Variants in PKHD1 observed in about 807,000 individuals in gnomAD.
PKHD1 encodes fibrocystin.
PKHD1 carries 291 observed loss-of-function variants against 412.0 expected under a neutral mutation model. The ratio of observed to expected loss-of-function variants is 0.71; its 90% CI spans 0.64 to 0.78. PKHD1 has a LOEUF of 0.78. Among genes scored for constraint, PKHD1 ranks in the 30% least tolerant of loss-of-function variants. The pLI is 0.00. For missense variants in PKHD1, 4,825 were observed against 4,950.7 expected (o/e 0.97, Z 0.76); for synonymous variants, 1,777 against 1,821.5 (o/e 0.98, Z 0.62).
At chr6:51,823,708 T>A (rs954928256) in intron 52 of PKHD1, among the ~76,000 whole-genome samples, 22 of 152,362 alleles carry the variant, frequency 1.4e-4, no homozygotes, top group Admixed American at 1.4e-3. Context: ...GCTATTTTAA[T>A]CGAAATTTCA....
At chr6:52,060,466 A>G (rs1808509140) in intron 14 of PKHD1, among the ~76,000 whole-genome samples, 1 of 152,238 alleles carries the variant, frequency 6.6e-6, no homozygotes, top group Non-Finnish European at 1.5e-5. Context: ...ACACCTGCAG[A>G]GAGCATTTTT....
intron 5 of PKHD1, among the ~76,000 whole-genome samples, chr6:52,078,044 C>T (rs1811562102): frequency 6.6e-6 from 1 of 152,160 alleles, no homozygotes; most frequent in Non-Finnish European, 1.5e-5. Context: ...AAGCATACCT[C>T]TCTATTTCAA....
At chr6:51,950,220 A>AAAAAAAAAAATATATATATATAT in intron 36 of PKHD1, among the ~76,000 whole-genome samples, 4 of 98,304 alleles carry the variant, frequency 4.1e-5, no homozygotes, top group African/African-American at 7.6e-5. Flanking sequence ...GAAAAAAAAA[A>AAAAAAAAAAATATATATATATAT]ATATATATAT....
At chr6:51,909,923 G>A (rs1224896072) in intron 39 of PKHD1, among the ~76,000 whole-genome samples, 2 of 152,124 alleles carry the variant, frequency 1.3e-5, no homozygotes, top group Non-Finnish European at 2.9e-5. Flanking sequence ...TTACTGTGCT[G>A]TTTTATGGTT....
At chr6:51,982,518 C>G (rs1283309973) in intron 35 of PKHD1, among the ~76,000 whole-genome samples, 6 of 137,692 alleles carry the variant, frequency 4.4e-5, no homozygotes, top group African/African-American at 1.6e-4. Flanking sequence ...ATCCCCAACC[C>G]TGTGCTCTCT....
At chr6:51,959,795 G>T in intron 36 of PKHD1, 75 bp downstream of exon 36, 1 of 1,327,778 alleles carries the variant, frequency 7.5e-7, no homozygotes, top group Non-Finnish European at 1.1e-6. Context: ...TATCCAGAAA[G>T]TTTCCCTCCT....
chr6:51,625,221 G>GGA (rs1037294885), intron 66 of PKHD1, among the ~76,000 whole-genome samples: 2 of 152,000 alleles, frequency 1.3e-5, no homozygotes, highest in Non-Finnish European at 2.9e-5. Context: ...GCAAAGTGCT[G>GGA]GAGAGAGAGA....
chr6:51,833,282 G>C (rs552619808), intron 51 of PKHD1, among the ~76,000 whole-genome samples: 1 of 152,258 alleles, frequency 6.6e-6, no homozygotes, highest in South Asian at 2.1e-4. Context: ...TTGCTTATAA[G>C]AGGGCTGACA....
At chr6:51,825,253 C>T (rs987060332) in intron 52 of PKHD1, among the ~76,000 whole-genome samples, 3 of 152,156 alleles carry the variant, frequency 2.0e-5, no homozygotes, top group Admixed American at 6.6e-5. Context: ...GAGGTGGAAC[C>T]TAATTCTTCT....
intron 43 of PKHD1, among the ~76,000 whole-genome samples, chr6:51,900,906 C>A (rs1455617983): frequency 6.6e-6 from 1 of 152,178 alleles, no homozygotes; most frequent in African/African-American, 2.4e-5. Flanking sequence ...AGCCAAAAAA[C>A]ACATAAAAAA....
Position 52,025,366 on chromosome 6 carries a change from C to T in PKHD1, c.4444G>A (p.Glu1482Lys). The change falls in exon 32 of 67, where the codon GAA (glutamate) becomes AAA (lysine). Residue 1482 changes from glutamate (E) to lysine (K), a missense_variant. Physicochemically the swap from Glu to Lys is moderately conservative, Grantham distance 56. Transcript: ENST00000371117. Reference sequence around the variant, plus strand: ...GCATCCATGACAGGACTTGCCTCTTCCCTTATGAAAAGAGTGCAATTCCCC... The same window carrying T: ...GCATCCATGACAGGACTTGCCTCTTTCCTTATGAAAAGAGTGCAATTCCCC... ...CQGNCTLFIR[E>K]EASPVMDALS... is the part of the protein sequence containing the mutation. The T allele has an allele frequency of 1.2e-6, 2 of 1,613,520 alleles. No individual in the cohort carries two copies.
In PKHD1 at chr6:51,870,606, G is replaced by A. The variant is rs772064711; in HGVS notation, c.7384C>T (p.Pro2462Ser). 2 of 1,609,716 alleles carry A rather than the reference G, an allele frequency of 1.2e-6. No homozygotes were observed. The highest frequency in any genetic ancestry group is 1.7e-6 in the Non-Finnish European group (2 of 1,176,120). ...SLCMSSGIKTPKRWELMVSNT... is the reference protein window; with the variant it reads ...SLCMSSGIKTSKRWELMVSNT... Reference sequence around the variant, plus strand: ...GACACCATCAGTTCCCATCTTTTAGGAGTTTTAATCCCAGATGACATACAC... The same window carrying A: ...GACACCATCAGTTCCCATCTTTTAGAAGTTTTAATCCCAGATGACATACAC... Residue 2462 changes from proline (P) to serine (S), a missense_variant, in exon 47 of 67, where the codon CCT becomes TCT. Transcript: ENST00000371117.
intron 60 of PKHD1, 149 bp from the exon 61 acceptor site, chr6:51,660,118 T>A (rs1388839243): frequency 3.7e-6 from 2 of 538,080 alleles, no homozygotes; most frequent in Non-Finnish European, 3.2e-6. Context: ...GCAAGGAAGA[T>A]TGCGGCAAAA....
intron 6 of PKHD1, among the ~76,000 whole-genome samples, chr6:52,075,819 C>T (rs993928363): frequency 2.6e-5 from 4 of 152,064 alleles, no homozygotes; most frequent in Non-Finnish European, 4.4e-5. Flanking sequence ...AATTTCTTAA[C>T]CTTTTGCTAC....
chr6:51,957,070 T>C (rs943748889), intron 36 of PKHD1, among the ~76,000 whole-genome samples: 6 of 152,124 alleles, frequency 3.9e-5, no homozygotes, highest in Admixed American at 3.9e-4. Context: ...CATGAAGCCT[T>C]ATTTTCCTGT....
chr6:51,764,734 C>T (rs1284652142), intron 55 of PKHD1, among the ~76,000 whole-genome samples: 3 of 152,094 alleles, frequency 2.0e-5, no homozygotes, highest in Non-Finnish European at 4.4e-5. Flanking sequence ...TGACACTTAA[C>T]CAACTCCTTG....
Position 52,084,634 on chromosome 6 carries a change from T to G in PKHD1, c.52+248A>C, listed in dbSNP as rs17577478. On this transcript the variant is annotated intron_variant, in intron 2 of 66. Coordinates refer to ENST00000371117, the MANE Select transcript of PKHD1 (RefSeq NM_138694.4). ...AATTGAAGTATATAGTCATAACATT[T>G]CAGTATATAACCTCAGCTGTTAAAC... 0.013 allele frequency among the ~76,000 whole-genome samples: 1,989 copies of G among 152,328 alleles called. 24 individuals are homozygous for G. The highest frequency in any genetic ancestry group is 0.038 in the South Asian group (184 of 4,822).
intron 11 of PKHD1, among the ~76,000 whole-genome samples, chr6:52,067,910 A>T (rs1458880879): frequency 6.6e-6 from 1 of 152,130 alleles, no homozygotes; most frequent in Non-Finnish European, 1.5e-5. Flanking sequence ...AAAGCCAGGG[A>T]GGGGCTTGAA....
rs1806572270 is a variant in PKHD1 at position 52,050,175 on chromosome 6, A to G, written c.2261T>C (p.Leu754Pro). The change falls in exon 22 of 67, where the codon CTC (leucine) becomes CCC (proline). Residue 754 changes from leucine (L) to proline (P), a missense_variant. By Grantham distance (98) the Leu-to-Pro change is moderately conservative. Transcript: ENST00000371117. ...TCCTTACCGTGCAGTGATGAGCGGG[A>G]GCTCCGTGCCACACCCCGCCAGCCA... ...TSWLAGCGTELPLITARSVPT... is the reference protein window; with the variant it reads ...TSWLAGCGTEPPLITARSVPT... The G allele has an allele frequency of 1.2e-6, 2 of 1,614,138 alleles. No homozygotes were observed. Among genetic ancestry groups the G allele is most frequent in the Non-Finnish European group, 1.7e-6 (2 of 1,180,010 alleles).
Sources: allele counts gnomAD v4.1 joint callset (sites outside exome capture counted in the v4.1 genomes callset), GRCh38; gene constraint gnomAD v4.1.1; transcripts MANE v1.5; gene names NCBI Gene and HGNC (gene_info 2026-07-23, HGNC 2026-07-21).